Variants in ZNF385D observed in about 807,000 individuals in gnomAD.
ZNF385D encodes the protein zinc finger protein 659.
A neutral mutation model predicts 35.8 loss-of-function variants in ZNF385D; 15 were observed. The ratio of observed to expected loss-of-function variants is 0.42; its 90% confidence interval spans 0.28 to 0.64. ZNF385D has a LOEUF of 0.64. Ranked by LOEUF, ZNF385D falls within the 30% of genes least tolerant of loss-of-function variation. The pLI is 0.23. For synonymous variants in ZNF385D, 212 were observed against 186.8 expected, an observed-to-expected ratio of 1.13 and a Z score of -1.10; for missense variants, 474 against 494.6, an observed-to-expected ratio of 0.96 and a Z score of 0.39.
intron 2 of ZNF385D, among the ~76,000 whole-genome samples, chr3:22,271,757 C>T (rs1011534369): frequency 2.0e-5 from 3 of 151,944 alleles, no homozygotes; most frequent in African/African-American, 7.2e-5. Context: ...CCCCTCCCAT[C>T]AAACCATCCA....
intron 3 of ZNF385D, among the ~76,000 whole-genome samples, chr3:21,888,433 G>C (rs1415020875): frequency 6.6e-6 from 1 of 152,060 alleles, no homozygotes; most frequent in Non-Finnish European, 1.5e-5. Context: ...ATGGAAAAGA[G>C]AAAGAGAATA....
Position 22,142,014 on chromosome 3 carries a change from CAGTT to C in ZNF385D, c.325+26799_325+26802del, listed in dbSNP as rs560605133. Among the ~76,000 whole-genome samples, 37 of 152,274 alleles carry C rather than the reference CAGTT, an allele frequency of 2.4e-4. No individual in the cohort carries two copies. The East Asian group carries it at 3.9e-3, about 16-fold the overall frequency. Reference sequence around the variant, plus strand: ...GTTAAATGATAGCCAATTTTACAGACAGTTAGAAAGCATCATCAGGTTGACAGTT... The same window carrying C: ...GTTAAATGATAGCCAATTTTACAGACAGAAAGCATCATCAGGTTGACAGTT... On this transcript the variant is annotated intron_variant, in intron 3 of 5. Coordinates refer to the ZNF385D transcript ENST00000494108.
At chr3:22,146,552 C>T (rs116366607) in intron 3 of ZNF385D, among the ~76,000 whole-genome samples, 2,265 of 152,144 alleles carry the variant, frequency 0.015, 26 homozygotes, top group South Asian at 0.032. Context: ...TTATGGTTGT[C>T]CATTTTTATC....
chr3:21,422,577 G>A lies in ZNF385D; in HGVS notation c.955-1130C>T, dbSNP rs571561536. Among the ~76,000 whole-genome samples the A allele has an allele frequency of 2.6e-5, 4 of 152,164 alleles. No homozygotes were observed. The South Asian group carries it at 6.2e-4, about 24-fold the overall frequency. On this transcript the variant is annotated intron_variant, in intron 7 of 7. Transcript: ENST00000281523. ...CAGGCCAATATCCTTGATGAACATC[G>A]ATGCAAAACTCAACAAAATACTGGT...
intron 2 of ZNF385D, among the ~76,000 whole-genome samples, chr3:22,306,714 G>T (rs1471060274): frequency 1.3e-5 from 2 of 152,134 alleles, no homozygotes; most frequent in Non-Finnish European, 2.9e-5. Context: ...AATTGTCAGA[G>T]AGTTGGAGAG....
chr3:22,056,867 G>C (rs777636586), intron 3 of ZNF385D, among the ~76,000 whole-genome samples: 16 of 152,170 alleles, frequency 1.1e-4, no homozygotes, highest in African/African-American at 1.9e-4. Context: ...TGGAGCCCAG[G>C]CTGAATGATT....
chr3:21,492,776 AAAAT>A (rs60627008), intron 4 of ZNF385D, among the ~76,000 whole-genome samples: 255 of 141,022 alleles, frequency 1.8e-3, no homozygotes, highest in Middle Eastern at 7.0e-3. Context: ...CTCTGTTTCA[AAAAT>A]AAATAAATAA....
intron 3 of ZNF385D, among the ~76,000 whole-genome samples, chr3:22,024,800 T>C (rs561078251): frequency 6.6e-6 from 1 of 152,246 alleles, no homozygotes; most frequent in East Asian, 1.9e-4. Flanking sequence ...TGGTTGCTCC[T>C]AAGTTCAGTG....
At chr3:21,577,563 T>C (rs1167279225) in intron 2 of ZNF385D, among the ~76,000 whole-genome samples, 1 of 152,176 alleles carries the variant, frequency 6.6e-6, no homozygotes, top group Non-Finnish European at 1.5e-5. Flanking sequence ...GTTCTATGTT[T>C]AGTTTTTGGA....
chr3:21,989,193 A>G (rs563068047), intron 3 of ZNF385D, among the ~76,000 whole-genome samples: 1 of 152,188 alleles, frequency 6.6e-6, no homozygotes, highest in Admixed American at 6.5e-5. Context: ...CATCTCCCTC[A>G]ATTTTTTAGA....
chr3:22,073,590 C>T (rs532532684), intron 3 of ZNF385D, among the ~76,000 whole-genome samples: 4 of 151,860 alleles, frequency 2.6e-5, no homozygotes, highest in Non-Finnish European at 4.4e-5. Flanking sequence ...CTCATTTATG[C>T]CATGAATTAT....
At chr3:22,060,045 T>G (rs918092087) in intron 3 of ZNF385D, among the ~76,000 whole-genome samples, 2 of 152,196 alleles carry the variant, frequency 1.3e-5, no homozygotes, top group Non-Finnish European at 2.9e-5. Context: ...AGCTACTGGT[T>G]CTCAGACCTT....
chr3:22,102,181 C>T (rs1272412764), intron 3 of ZNF385D, among the ~76,000 whole-genome samples: 1 of 151,692 alleles, frequency 6.6e-6, no homozygotes, highest in South Asian at 2.1e-4. Flanking sequence ...TTCTTTCATC[C>T]CTGTGTGATG....
chr3:21,425,892 T>C (rs1406327043), intron 5 of ZNF385D, among the ~76,000 whole-genome samples: 3 of 152,222 alleles, frequency 2.0e-5, no homozygotes, highest in Non-Finnish European at 4.4e-5. Context: ...CATCACTTTA[T>C]ATGATGTTAT....
chr3:22,265,670 A>G (rs1388070176), intron 2 of ZNF385D, among the ~76,000 whole-genome samples: 3 of 151,984 alleles, frequency 2.0e-5, no homozygotes, highest in Non-Finnish European at 2.9e-5. Flanking sequence ...AATTTTGGAT[A>G]TGAGAGGAAG....
intron 2 of ZNF385D, among the ~76,000 whole-genome samples, chr3:22,304,930 T>C (rs975027977): frequency 3.9e-5 from 6 of 152,160 alleles, no homozygotes; most frequent in African/African-American, 1.4e-4. Context: ...TTTCTTTTTA[T>C]GATTAAAGCA....
chr3:22,072,961 C>T (rs1033916591), intron 3 of ZNF385D, among the ~76,000 whole-genome samples: 2 of 151,964 alleles, frequency 1.3e-5, no homozygotes, highest in Non-Finnish European at 2.9e-5. Context: ...AGGGAGGCCA[C>T]CTTGACTGGA....
At chr3:22,317,970 G>A (rs1374764870) in intron 2 of ZNF385D, among the ~76,000 whole-genome samples, 1 of 151,778 alleles carries the variant, frequency 6.6e-6, no homozygotes, top group Non-Finnish European at 1.5e-5. Context: ...GCACTGGGAG[G>A]ATCACATGAG....
chr3:21,707,693 T>C (rs541070503), intron 1 of ZNF385D, among the ~76,000 whole-genome samples: 1 of 152,310 alleles, frequency 6.6e-6, no homozygotes, highest in African/African-American at 2.4e-5. Context: ...AATTCGAATA[T>C]AGATATAAAT....
Sources: gnomAD v4.1 joint callset for allele counts (sites outside exome capture counted in the v4.1 genomes callset) on GRCh38, gnomAD v4.1.1 for gene constraint, MANE v1.5 for transcripts, NCBI Gene and HGNC (gene_info 2026-07-23, HGNC 2026-07-21) for gene names.